TMEM218: variants seen among roughly 807,000 people sequenced by gnomAD.
TMEM218 encodes the protein transmembrane protein 218.
TMEM218 carries 8 observed loss-of-function variants against 10.0 expected under a neutral mutation model. The ratio of observed to expected loss-of-function variants is 0.80; its 90% CI spans 0.47 to 1.44. The LOEUF is 1.44. Ranked by LOEUF, TMEM218 falls within the 40% of genes most tolerant of loss-of-function variation. The pLI is 0.00. For missense variants in TMEM218, 110 were observed against 140.1 expected, an observed-to-expected ratio of 0.79 and a Z score of 1.08; for synonymous variants, 66 against 63.5, an observed-to-expected ratio of 1.04 and a Z score of -0.18.
At position 125,096,322 on chromosome 11, in the gene TMEM218, GA is replaced by G. The variant is rs1230313376; in HGVS notation, c.*1283del. The stretch of plus-strand genomic sequence containing the variant: ...TACCCTGAAAACAGAATTGAGGAGA[GA>G]AAGTGAAGGAACAGTGTGGCCTTAA... On this transcript the variant is annotated 3_prime_UTR_variant, in exon 5 of 5. Transcript: ENST00000682305. Among the ~76,000 whole-genome samples the G allele has an allele frequency of 6.6e-6, 1 of 152,182 alleles. No homozygotes were observed. Among genetic ancestry groups the G allele is most frequent in the Non-Finnish European group, 1.5e-5 (1 of 68,034 alleles).
intron 1 of TMEM218, chr11:125,104,996 C>T (rs1344456453): frequency 6.6e-6 from 1 of 152,194 alleles, no homozygotes; most frequent in Non-Finnish European, 1.5e-5. Context: ...TGATTCTCTT[C>T]AGGGCAGATA....
intron 3 of TMEM218, 129 bp from the exon 4 acceptor site, chr11:125,101,432 G>T: frequency 6.5e-7 from 1 of 1,527,352 alleles, no homozygotes. Flanking sequence ...CCAGAGGCCT[G>T]CTGTCAACAA....
chr11:125,102,064 T>C, intron 3 of TMEM218, 68 bp downstream of exon 3: 1 of 1,447,976 alleles, frequency 6.9e-7, no homozygotes, highest in Non-Finnish European at 9.1e-7. Context: ...TCTAAATGTT[T>C]AGTGAGCATC....
At chr11:125,098,443 T>C (rs867953656) in intron 4 of TMEM218, among the ~76,000 whole-genome samples, 2 of 152,144 alleles carry the variant, frequency 1.3e-5, no homozygotes, top group Admixed American at 6.5e-5. Flanking sequence ...ACTGACCCCT[T>C]CCAGAGCTCC....
At chr11:125,105,567 G>T (rs1465762631) in intron 1 of TMEM218, among the ~76,000 whole-genome samples, 6 of 152,176 alleles carry the variant, frequency 3.9e-5, no homozygotes, top group African/African-American at 1.4e-4. Flanking sequence ...TTTTTGAGGG[G>T]TTAAAAATCA....
At chr11:125,107,842 G>A (rs1195270827) in intron 1 of TMEM218, among the ~76,000 whole-genome samples, 2 of 146,168 alleles carry the variant, frequency 1.4e-5, no homozygotes, top group African/African-American at 5.1e-5. Context: ...TATAAAAGAT[G>A]AGTAAGATTT....
In TMEM218 at chr11:125,102,827, G is replaced by T; in HGVS notation, c.-152-18C>A. ...TCCCAGTCCTTAAAGAAGAGGAACAGCCATCACTATTTTTGAACATTCACT... is the reference window on the plus strand; with the variant it reads ...TCCCAGTCCTTAAAGAAGAGGAACATCCATCACTATTTTTGAACATTCACT... On this transcript the variant is annotated intron_variant, in intron 1 of 4. Transcript: ENST00000682305. 1 of 686,106 alleles carries T rather than the reference G, an allele frequency of 1.5e-6. No homozygotes were observed. The highest frequency in any genetic ancestry group is 2.1e-6 in the Non-Finnish European group (1 of 473,878). 42.5% of individuals were successfully genotyped at this position (686,106 alleles called of 1,614,324 possible).
Position 125,095,389 on chromosome 11 carries a change from C to T in TMEM218, c.*2217G>A, listed in dbSNP as rs1005582586. 1.3e-5 allele frequency among the ~76,000 whole-genome samples: 2 copies of T among 152,220 alleles called. No individual in the cohort carries two copies. The highest frequency in any genetic ancestry group is 4.8e-5 in the African/African-American group (2 of 41,454). ...TGTCTCCAAGAAGGCCATGAGCATA[C>T]AGGGTACCATAACAGACATTGACTA... On this transcript the variant is annotated 3_prime_UTR_variant, in exon 5 of 5. Transcript: ENST00000682305.
chr11:125,103,696 G>C (rs912579457), intron 1 of TMEM218: 2 of 152,166 alleles, frequency 1.3e-5, no homozygotes, highest in African/African-American at 4.8e-5. Context: ...GTGAGGATGC[G>C]GACATATATT....
chr11:125,102,912 G>T (rs1244129331), intron 1 of TMEM218, 103 bp from the exon 2 acceptor site: 7 of 341,780 alleles, frequency 2.0e-5, no homozygotes, highest in African/African-American at 8.6e-5. Context: ...TTCTGAGAAA[G>T]GTATTACTAT....
chr11:125,102,846 A>T, intron 1 of TMEM218, 37 bp from the exon 2 acceptor site: 3 of 559,982 alleles, frequency 5.4e-6, no homozygotes, highest in Non-Finnish European at 8.3e-6. Context: ...ATTTTTGAAC[A>T]TTCACTGTGT....
At chr11:125,102,104 G>A in intron 3 of TMEM218, 28 bp downstream of exon 3, 1 of 1,517,856 alleles carries the variant, frequency 6.6e-7, no homozygotes, top group South Asian at 1.3e-5. Flanking sequence ...GCTTTACCTA[G>A]GACTCCCAGT....
intron 3 of TMEM218, chr11:125,101,735 G>A (rs1056412386): frequency 9.9e-6 from 5 of 505,324 alleles, no homozygotes; most frequent in Admixed American, 7.5e-5. Context: ...CTGTTCTGAA[G>A]GCAATGCCTG....
intron 3 of TMEM218, 82 bp downstream of exon 3, chr11:125,102,050 A>G: frequency 5.0e-6 from 7 of 1,410,198 alleles, no homozygotes; most frequent in Non-Finnish European, 5.6e-6. Context: ...CTGATCTCTT[A>G]AATTCTAAAT....
chr11:125,107,897 AAAGAG>A (rs1952658895), intron 1 of TMEM218, among the ~76,000 whole-genome samples: 2 of 151,544 alleles, frequency 1.3e-5, no homozygotes, highest in Admixed American at 6.6e-5. Context: ...AAAAAAAAAA[AAAGAG>A]AGAGAGAGGA....
At position 125,102,815 on chromosome 11, in the gene TMEM218, A is replaced by G; in HGVS notation, c.-152-6T>C. 1 of 804,138 alleles carries G rather than the reference A, an allele frequency of 1.2e-6. No homozygotes were observed. Among genetic ancestry groups the G allele is most frequent in the Non-Finnish European group, 1.7e-6 (1 of 573,636 alleles). 49.8% of individuals were successfully genotyped at this position (804,138 alleles called of 1,614,324 possible). On this transcript the variant is annotated splice_polypyrimidine_tract_variant and splice_region_variant and intron_variant, in intron 1 of 4. Coordinates refer to ENST00000682305, the MANE Select transcript of TMEM218 (RefSeq NM_001258244.2). ...GAGGATGAAAACTCCCAGTCCTTAA[A>G]GAAGAGGAACAGCCATCACTATTTT...
intron 1 of TMEM218, among the ~76,000 whole-genome samples, chr11:125,109,173 GA>G (rs1953026112): frequency 8.5e-6 from 1 of 117,294 alleles, no homozygotes; most frequent in African/African-American, 3.4e-5. Flanking sequence ...TATATGTATT[GA>G]TGTGAATATA....
At chr11:125,107,897 AAAG>A (rs1228215072) in intron 1 of TMEM218, among the ~76,000 whole-genome samples, 1 of 151,544 alleles carries the variant, frequency 6.6e-6, no homozygotes, top group Admixed American at 6.6e-5. Context: ...AAAAAAAAAA[AAAG>A]AGAGAGAGAG....
intron 1 of TMEM218, among the ~76,000 whole-genome samples, chr11:125,107,490 A>G (rs1205672196): frequency 6.6e-6 from 1 of 152,174 alleles, no homozygotes; most frequent in Admixed American, 6.5e-5. Flanking sequence ...ATTTGATAAT[A>G]TTATGAAATT....
Sources: allele counts gnomAD v4.1 joint callset (sites outside exome capture counted in the v4.1 genomes callset), GRCh38; gene constraint gnomAD v4.1.1; transcripts MANE v1.5; gene names NCBI Gene and HGNC (gene_info 2026-07-23, HGNC 2026-07-21).